Variants in DGLUCY observed in about 807,000 individuals in gnomAD.
DGLUCY encodes D-glutamate cyclase, also known as D-glutamate cyclase, mitochondrial.
Under a neutral mutation model 58.5 loss-of-function variants are expected in DGLUCY, and 58 were observed. The observed-to-expected ratio is 0.99, with a 90% CI of 0.80 to 1.23. The LOEUF is 1.23. Among genes scored for constraint, DGLUCY ranks in the 50% most tolerant of loss-of-function variants. The probability of loss-of-function intolerance (pLI) is 0.00; values close to 1 mark genes in which losing one functional copy is unlikely to be tolerated. For synonymous variants in DGLUCY, 325 were observed against 314.1 expected, an observed-to-expected ratio of 1.03 and a Z score of -0.37; for missense variants, 779 against 784.7, an observed-to-expected ratio of 0.99 and a Z score of 0.09.
chr14:91,185,258 C>T (rs145659993), intron 8 of DGLUCY, among the ~76,000 whole-genome samples: 3,272 of 147,702 alleles, frequency 0.022, 55 homozygotes, highest in South Asian at 0.033. Flanking sequence ...TGTGAGCCAC[C>T]GTGCCCAGCC....
At position 91,062,559 on chromosome 14, in the gene DGLUCY, ATAT is replaced by A. The variant is rs1245352798; in HGVS notation, c.-82+1856_-82+1858del. On this transcript the variant is annotated intron_variant, in intron 1 of 4. Transcript: ENST00000521334. ...CGAGACTCTGTCTAAAAAAAAAAAAATATATATATATATATATATATATATATA... is the reference window on the plus strand; with the variant it reads ...CGAGACTCTGTCTAAAAAAAAAAAAAATATATATATATATATATATATATA... Among the ~76,000 whole-genome samples the A allele has an allele frequency of 1.7e-3, 32 of 18,596 alleles. 2 individuals carry two copies. Among genetic ancestry groups the A allele is most frequent in the Admixed American group, 4.2e-3 (5 of 1,200 alleles). 12.2% of individuals were successfully genotyped at this position (18,596 alleles called of 152,430 possible).
At chr14:91,175,860 A>G in intron 6 of DGLUCY, 74 bp from the exon 7 acceptor site, 1 of 1,541,338 alleles carries the variant, frequency 6.5e-7, no homozygotes, top group African/African-American at 1.4e-5. Context: ...TAGAGAAAGA[A>G]CCATAAACTA....
chr14:91,160,246 C>G lies in DGLUCY; in HGVS notation c.-29-20C>G. The G allele has an allele frequency of 4.1e-6, 6 of 1,465,164 alleles. No homozygotes were observed. Among genetic ancestry groups the G allele is most frequent in the South Asian group, 1.1e-5 (1 of 88,058 alleles). 90.8% of individuals were successfully genotyped at this position (1,465,164 alleles called of 1,614,324 possible). ...GGGGGCCACACTTTCTAATTTGTTCCCTTTCCTTCCCTCACCCAGATTCTC... is the reference window on the plus strand; with the variant it reads ...GGGGGCCACACTTTCTAATTTGTTCGCTTTCCTTCCCTCACCCAGATTCTC... On this transcript the variant is annotated intron_variant, in intron 2 of 13. Coordinates refer to ENST00000256324, the MANE Select transcript of DGLUCY (RefSeq NM_001102368.3).
chr14:91,119,769 G>A (rs2045239728), intron 1 of DGLUCY, among the ~76,000 whole-genome samples: 1 of 152,184 alleles, frequency 6.6e-6, no homozygotes, highest in Non-Finnish European at 1.5e-5. Flanking sequence ...CAGTCTGGGT[G>A]GGCACCATAT....
chr14:91,137,207 A>AT (rs1595729309), intron 1 of DGLUCY, among the ~76,000 whole-genome samples: 1 of 150,280 alleles, frequency 6.7e-6, no homozygotes, highest in African/African-American at 2.5e-5. Flanking sequence ...TCCTGGCCTC[A>AT]AGGGGTCCTC....
In DGLUCY at chr14:91,063,454, CT is replaced by C. The variant is rs2043766279; in HGVS notation, c.-82+2751del. Among the ~76,000 whole-genome samples the C allele has an allele frequency of 2.6e-5, 4 of 152,310 alleles. No individual in the cohort carries two copies. In the South Asian group the frequency reaches 8.3e-4, roughly 32 times the overall value. The stretch of plus-strand genomic sequence containing the variant: ...ATTTTTAATGTGGGTATGCCACAGA[CT>C]GGGAGGACTCTGAACCCCTGAGTTT... On this transcript the variant is annotated intron_variant, in intron 1 of 4. Transcript: ENST00000521334.
chr14:91,176,589 T>C (rs1190830485), intron 7 of DGLUCY, among the ~76,000 whole-genome samples: 1 of 152,120 alleles, frequency 6.6e-6, no homozygotes, highest in Admixed American at 6.5e-5. Flanking sequence ...ACAACTCAAT[T>C]TTTTTGTCGT....
At position 91,206,383 on chromosome 14, in the gene DGLUCY, C is replaced by CT. The variant is rs369099597; in HGVS notation, c.1564+1568dup. Among the ~76,000 whole-genome samples, 95 of 149,530 alleles carry CT rather than the reference C, an allele frequency of 6.4e-4. No homozygotes were observed. In the East Asian group the frequency reaches 0.011, roughly 17 times the overall value. ...ACTAAAGGTCCATTTGCTACAGTTT[C>CT]TTTTTTTTTTCTTTTCTGAGACAGA... On this transcript the variant is annotated intron_variant, in intron 12 of 13. Coordinates refer to ENST00000256324, the MANE Select transcript of DGLUCY (RefSeq NM_001102368.3).
intron 10 of DGLUCY, among the ~76,000 whole-genome samples, chr14:91,197,272 T>G (rs79733812): frequency 6.6e-6 from 1 of 152,148 alleles, no homozygotes; most frequent in Non-Finnish European, 1.5e-5. Flanking sequence ...TGGCCGCTAA[T>G]TTTTTTATTT....
rs535174753 is a variant in DGLUCY at position 91,134,667 on chromosome 14, AC to A, written c.-82+20386del. 3.2e-3 allele frequency among the ~76,000 whole-genome samples: 490 copies of A among 152,068 alleles called. 3 individuals are homozygous for A. The highest frequency in any genetic ancestry group is 0.01 in the Middle Eastern group (3 of 294). ...TGCCCAGGCTGCTCTCAAGCTCCTG[AC>A]CTCAGATGATCCACCTGCCTTGGCC... On this transcript the variant is annotated intron_variant, in intron 1 of 13. Transcript: ENST00000256324.
intron 1 of DGLUCY, among the ~76,000 whole-genome samples, chr14:91,063,616 T>C (rs1295383221): frequency 3.9e-5 from 6 of 152,228 alleles, no homozygotes; most frequent in Admixed American, 3.9e-4. Context: ...CTACTTCATA[T>C]GTGTAATATG....
At chr14:91,131,993 A>G (rs1250207534) in intron 1 of DGLUCY, among the ~76,000 whole-genome samples, 2 of 152,138 alleles carry the variant, frequency 1.3e-5, no homozygotes, top group African/African-American at 4.8e-5. Context: ...GGGTTTCTCC[A>G]TGTTCGTCAG....
chr14:91,219,965 C>T (rs919279784), intron 13 of DGLUCY, among the ~76,000 whole-genome samples: 1 of 152,198 alleles, frequency 6.6e-6, no homozygotes, highest in African/African-American at 2.4e-5. Flanking sequence ...CCTCGGGAAG[C>T]CCCCTCATGG....
intron 1 of DGLUCY, among the ~76,000 whole-genome samples, chr14:91,124,178 G>C (rs139519712): frequency 3.3e-5 from 5 of 151,906 alleles, no homozygotes; most frequent in Non-Finnish European, 7.4e-5. Flanking sequence ...CACCCACCTC[G>C]GCCTCCCAAA....
At chr14:91,171,211 C>G (rs144760266) in intron 5 of DGLUCY, among the ~76,000 whole-genome samples, 1 of 152,134 alleles carries the variant, frequency 6.6e-6, no homozygotes, top group African/African-American at 2.4e-5. Context: ...AAAGGACTTG[C>G]CCAAGTCCCA....
intron 1 of DGLUCY, among the ~76,000 whole-genome samples, chr14:91,074,383 G>A (rs2043984316): frequency 6.6e-6 from 1 of 151,238 alleles, no homozygotes; most frequent in South Asian, 2.1e-4. Context: ...GAAGGCTGAG[G>A]TGGGAGGATC....
At chr14:91,160,458 T>G in intron 3 of DGLUCY, 61 bp downstream of exon 3, 1 of 1,278,518 alleles carries the variant, frequency 7.8e-7, no homozygotes. Flanking sequence ...TCCTGGGAAT[T>G]ACCAGCTGTG....
At chr14:91,065,115 C>T (rs996168771) in intron 1 of DGLUCY, among the ~76,000 whole-genome samples, 3 of 152,008 alleles carry the variant, frequency 2.0e-5, no homozygotes, top group African/African-American at 7.3e-5. Flanking sequence ...AAGCACTGTG[C>T]TGAGTGATAG....
At chr14:91,076,872 G>C (rs184572714) in intron 1 of DGLUCY, among the ~76,000 whole-genome samples, 2 of 152,320 alleles carry the variant, frequency 1.3e-5, no homozygotes, top group African/African-American at 4.8e-5. Flanking sequence ...CCGGGTCACA[G>C]TGCCAGCACG....
Sources: gnomAD v4.1 joint callset for allele counts (sites outside exome capture counted in the v4.1 genomes callset) on GRCh38, gnomAD v4.1.1 for gene constraint, MANE v1.5 for transcripts, NCBI Gene and HGNC (gene_info 2026-07-23, HGNC 2026-07-21) for gene names.